The following MOCOS variants were observed in gnomAD, a reference collection of about 807,000 sequenced individuals.
MOCOS encodes molybdenum cofactor sulfurase, also known as human molybdenum cofactor sulfurase.
A neutral mutation model predicts 83.6 loss-of-function variants in MOCOS; 86 were observed. The observed-to-expected ratio is 1.03, with a 90% CI of 0.86 to 1.23. MOCOS has a LOEUF of 1.23. Among genes scored for constraint, MOCOS ranks in the 50% most tolerant of loss-of-function variants. The pLI is 0.00. For missense variants in MOCOS, 1,120 were observed against 1,126.9 expected (o/e 0.99, Z 0.09); for synonymous variants, 445 against 434.7 (o/e 1.02, Z -0.29).
chr18:36,251,288 T>C lies in MOCOS; in HGVS notation c.2164+5T>C. The C allele has an allele frequency of 1.2e-6, 2 of 1,613,946 alleles. No homozygotes were observed. The highest frequency in any genetic ancestry group is 1.7e-6 in the Non-Finnish European group (2 of 1,179,928). ...CAAAGAAGAAACATGGAAAAGGTAT[T>C]ACATTTTGAATTGGTTCGTAGAGAA... is the stretch of plus-strand genomic sequence containing the variant. On this transcript the variant is annotated splice_donor_5th_base_variant and intron_variant, in intron 11 of 14. Transcript: ENST00000261326.
intron 12 of MOCOS, 53 bp downstream of exon 12, chr18:36,257,126 G>A: frequency 6.7e-7 from 1 of 1,485,366 alleles, no homozygotes; most frequent in Non-Finnish European, 9.4e-7. Context: ...TTGCCACTGG[G>A]AGCAGGGCCT....
chr18:36,262,963 G>A (rs1018223235), intron 13 of MOCOS, among the ~76,000 whole-genome samples: 1 of 152,098 alleles, frequency 6.6e-6, no homozygotes, highest in Non-Finnish European at 1.5e-5. Flanking sequence ...TAAAAAATTA[G>A]CTGGGCATGG....
intron 9 of MOCOS, among the ~76,000 whole-genome samples, chr18:36,243,861 A>G (rs919170609): frequency 6.6e-6 from 1 of 152,142 alleles, no homozygotes; most frequent in Non-Finnish European, 1.5e-5. Flanking sequence ...GTATATTTCC[A>G]GGAATTTATC....
intron 9 of MOCOS, among the ~76,000 whole-genome samples, chr18:36,224,103 G>A (rs1298629617): frequency 6.6e-6 from 1 of 152,112 alleles, no homozygotes. Context: ...GTATAGAAAT[G>A]CAATAGATTT....
chr18:36,209,660 G>A (rs575276434), intron 6 of MOCOS, among the ~76,000 whole-genome samples: 110 of 152,204 alleles, frequency 7.2e-4, no homozygotes, highest in African/African-American at 2.6e-3. Flanking sequence ...TGCTGCAAAG[G>A]CCATTGTTTT....
chr18:36,213,772 T>C (rs976289723), intron 7 of MOCOS, among the ~76,000 whole-genome samples: 4 of 151,128 alleles, frequency 2.6e-5, no homozygotes, highest in African/African-American at 9.8e-5. Context: ...CTACTAAAGA[T>C]GCAAAAATTA....
At chr18:36,235,983 T>A (rs1168005058) in intron 9 of MOCOS, among the ~76,000 whole-genome samples, 6 of 150,524 alleles carry the variant, frequency 4.0e-5, no homozygotes, top group African/African-American at 1.5e-4. Context: ...GGGTTGTTTG[T>A]TTTTTTCTTG....
At chr18:36,199,621 C>T in intron 3 of MOCOS, 62 bp from the exon 4 acceptor site, 2 of 1,607,344 alleles carry the variant, frequency 1.2e-6, no homozygotes, top group East Asian at 2.2e-5. Context: ...ATAAAACAGC[C>T]TGCAAACATT....
At chr18:36,242,137 G>A (rs2091586089) in intron 9 of MOCOS, among the ~76,000 whole-genome samples, 1 of 152,184 alleles carries the variant, frequency 6.6e-6, no homozygotes, top group African/African-American at 2.4e-5. Context: ...TTTCTTTTCT[G>A]TAGCACAGAC....
chr18:36,234,844 T>C (rs960831021), intron 9 of MOCOS, among the ~76,000 whole-genome samples: 2 of 152,118 alleles, frequency 1.3e-5, no homozygotes, highest in African/African-American at 4.8e-5. Flanking sequence ...CTTCTTCACA[T>C]GGTGGCAAGA....
chr18:36,231,311 G>A (rs75822259), intron 9 of MOCOS, among the ~76,000 whole-genome samples: 2,881 of 152,232 alleles, frequency 0.019, 92 homozygotes, highest in African/African-American at 0.067. Flanking sequence ...TGCTGGGTTT[G>A]GTTTGCTAAT....
intron 8 of MOCOS, among the ~76,000 whole-genome samples, chr18:36,217,424 T>C (rs2091479642): frequency 6.6e-6 from 1 of 152,192 alleles, no homozygotes; most frequent in Admixed American, 6.5e-5. Context: ...TACTTTTTTT[T>C]GCATCTTTAC....
Position 36,195,246 on chromosome 18 carries a change from T to C in MOCOS, c.143-11T>C. On this transcript the variant is annotated splice_polypyrimidine_tract_variant and intron_variant, in intron 1 of 14. Coordinates refer to ENST00000261326, the MANE Select transcript of MOCOS (RefSeq NM_017947.4). ...GTAAAATTTTAGTATTTATTTTGTG[T>C]TTTCTTTCAGGAACTGTCTATCTTG... 2 of 1,613,040 alleles carry C rather than the reference T, an allele frequency of 1.2e-6. No individual in the cohort carries two copies. The highest frequency in any genetic ancestry group is 1.7e-6 in the Non-Finnish European group (2 of 1,178,988).
intron 11 of MOCOS, among the ~76,000 whole-genome samples, chr18:36,253,054 G>A (rs150119458): frequency 2.0e-5 from 3 of 152,304 alleles, no homozygotes; most frequent in African/African-American, 7.2e-5. Flanking sequence ...AGGCATGAAA[G>A]GAGTAGGATT....
At chr18:36,238,225 T>G (rs2091567018) in intron 9 of MOCOS, among the ~76,000 whole-genome samples, 1 of 145,560 alleles carries the variant, frequency 6.9e-6, no homozygotes, top group Admixed American at 6.9e-5. Context: ...ATTGTGATGT[T>G]AGGGTGTCAA....
chr18:36,221,441 TG>T (rs2091495489), intron 9 of MOCOS, among the ~76,000 whole-genome samples: 1 of 152,158 alleles, frequency 6.6e-6, no homozygotes, highest in South Asian at 2.1e-4. Flanking sequence ...GTTGTGGTGC[TG>T]GGTTAAAAAA....
chr18:36,233,062 G>C (rs1419959910), intron 9 of MOCOS, among the ~76,000 whole-genome samples: 1 of 152,048 alleles, frequency 6.6e-6, no homozygotes, highest in Non-Finnish European at 1.5e-5. Flanking sequence ...GGAAACAGGT[G>C]GTGTTTAGGT....
chr18:36,200,037 G>A lies in MOCOS; in HGVS notation c.654G>A (p.Glu218=). The change falls in exon 4 of 15, where the codon GAG becomes GAA. Residue 218 remains glutamate, a synonymous_variant. Transcript: ENST00000261326. Reference sequence around the variant, plus strand: ...GATACCCCCTGTCCTGGATAGAAGAGGTCAAGTCTGGGCGGTTGCACCCTG... The same window carrying A: ...GATACCCCCTGTCCTGGATAGAAGAAGTCAAGTCTGGGCGGTTGCACCCTG... ...GVRYPLSWIE[E]VKSGRLHPVS... 1 of 1,614,212 alleles carries A rather than the reference G, an allele frequency of 6.2e-7. No individual in the cohort carries two copies. Among genetic ancestry groups the A allele is most frequent in the Non-Finnish European group, 8.5e-7 (1 of 1,180,036 alleles).
intron 9 of MOCOS, among the ~76,000 whole-genome samples, chr18:36,230,084 CTTGT>C (rs962259424): frequency 2.6e-5 from 4 of 151,986 alleles, no homozygotes; most frequent in African/African-American, 9.7e-5. Context: ...CTGTGCATTA[CTTGT>C]TTGTTTCTTT....
Sources: allele counts gnomAD v4.1 joint callset (sites outside exome capture counted in the v4.1 genomes callset), GRCh38; gene constraint gnomAD v4.1.1; transcripts MANE v1.5; gene names NCBI Gene and HGNC (gene_info 2026-07-23, HGNC 2026-07-21).